The following FRMPD4 variants were observed in gnomAD, a reference collection of about 807,000 sequenced individuals.
FRMPD4 encodes FERM and PDZ domain-containing protein 4.
In FRMPD4, 22 loss-of-function variants were observed where a neutral mutation model predicts 94.1. The observed-to-expected ratio is 0.23, with a 90% CI of 0.17 to 0.33. FRMPD4 has a LOEUF of 0.33. Ranked by LOEUF, FRMPD4 falls within the 10% of genes least tolerant of loss-of-function variation. FRMPD4 has a pLI of 1.00. For missense variants in FRMPD4, 1,111 were observed against 1,339.9 expected, an observed-to-expected ratio of 0.83 and a Z score of 2.67; for synonymous variants, 631 against 548.6, an observed-to-expected ratio of 1.15 and a Z score of -2.10.
chrX:12,339,882 T>C (rs1465350363), intron 1 of FRMPD4, among the ~76,000 whole-genome samples: 1 of 112,466 alleles, frequency 8.9e-6, no homozygotes, highest in Non-Finnish European at 1.9e-5. Context: ...CCCAAAGGGC[T>C]GGGATTACAG....
At chrX:12,540,759 C>T (rs767642726) in intron 2 of FRMPD4, among the ~76,000 whole-genome samples, 1 of 111,966 alleles carries the variant, frequency 8.9e-6, no homozygotes, top group East Asian at 2.8e-4. Flanking sequence ...ATCTACAGAA[C>T]TCTCCACCCC....
chrX:12,442,145 T>A (rs889372898), intron 1 of FRMPD4, among the ~76,000 whole-genome samples: 1 of 102,412 alleles, frequency 9.8e-6, no homozygotes, highest in Non-Finnish European at 2.0e-5. Flanking sequence ...CTAGAACCAT[T>A]GTCCTAGTTT....
At chrX:12,344,792 A>T (rs1228243123) in intron 1 of FRMPD4, among the ~76,000 whole-genome samples, 4 of 111,568 alleles carry the variant, frequency 3.6e-5, no homozygotes, top group Admixed American at 9.5e-5. Flanking sequence ...CCTTCAGTAG[A>T]TGGCAAGTGC....
chrX:12,683,708 A>G (rs1164833799), intron 6 of FRMPD4, 121 bp downstream of exon 6: 1 of 437,843 alleles, frequency 2.3e-6, no homozygotes, highest in Non-Finnish European at 4.1e-6. Context: ...GTTGGTTTTT[A>G]CAGAGGTGTC....
intron 1 of FRMPD4, among the ~76,000 whole-genome samples, chrX:12,308,843 A>G (rs1056767148): frequency 8.9e-6 from 1 of 112,787 alleles, no homozygotes; most frequent in Non-Finnish European, 1.9e-5. Context: ...GTTTTGTTTT[A>G]ATAAAAATCT....
intron 1 of FRMPD4, among the ~76,000 whole-genome samples, chrX:11,844,876 C>T (rs1434578369): frequency 8.9e-6 from 1 of 111,810 alleles, no homozygotes; most frequent in Non-Finnish European, 1.9e-5. Flanking sequence ...CTGTGCACTC[C>T]GTTTATTATT....
intron 1 of FRMPD4, among the ~76,000 whole-genome samples, chrX:12,478,339 C>T (rs1226151554): frequency 9.0e-6 from 1 of 111,296 alleles, no homozygotes; most frequent in Non-Finnish European, 1.9e-5. Context: ...CTTGGGAGGC[C>T]GAGGCAGGCA....
intron 3 of FRMPD4, among the ~76,000 whole-genome samples, chrX:11,979,436 A>G (rs892177409): frequency 5.4e-5 from 6 of 112,121 alleles, no homozygotes; most frequent in Admixed American, 2.8e-4. Context: ...TAGACTGGGA[A>G]CATGTGCAAG....
At chrX:12,137,367 C>T (rs1047670348), upstream of FRMPD4, among the ~76,000 whole-genome samples, 11 of 112,742 alleles carry the variant, frequency 9.8e-5, no homozygotes, top group African/African-American at 3.5e-4. Context: ...AATATAACAA[C>T]AGACCAGGAG....
At chrX:12,173,716 G>C (rs1480703034) in intron 1 of FRMPD4, among the ~76,000 whole-genome samples, 1 of 111,283 alleles carries the variant, frequency 9.0e-6, no homozygotes, top group African/African-American at 3.3e-5. Flanking sequence ...TCTTGATTTT[G>C]TCCTGACTGC....
intron 2 of FRMPD4, among the ~76,000 whole-genome samples, chrX:12,581,883 C>T (rs142932505): frequency 0.029 from 3,256 of 111,871 alleles, 119 homozygotes; most frequent in African/African-American, 0.1. Context: ...CCTTTCCTGC[C>T]TCCACCTCCC....
At chrX:12,553,460 A>ATATATATATATATATATATG (rs769330484) in intron 2 of FRMPD4, among the ~76,000 whole-genome samples, 31 of 81,535 alleles carry the variant, frequency 3.8e-4, no homozygotes, top group African/African-American at 1.4e-3. Context: ...ATATATATAT[A>ATATATATATATATATATATG]TATATATCTA....
chrX:12,710,873 T>A (rs2041973569), intron 14 of FRMPD4, among the ~76,000 whole-genome samples: 1 of 110,881 alleles, frequency 9.0e-6, no homozygotes, highest in Non-Finnish European at 1.9e-5. Flanking sequence ...ACCACTGCAC[T>A]CCAATCTGGG....
intron 1 of FRMPD4, among the ~76,000 whole-genome samples, chrX:12,490,365 C>T (rs374240249): frequency 2.4e-4 from 27 of 110,796 alleles, no homozygotes; most frequent in East Asian, 5.7e-4. Context: ...TTGGGGGACA[C>T]GCTCAAACCA....
chrX:12,458,310 G>A (rs1433428730), intron 1 of FRMPD4, among the ~76,000 whole-genome samples: 2 of 111,966 alleles, frequency 1.8e-5, no homozygotes, highest in Non-Finnish European at 3.8e-5. Flanking sequence ...TTAACCATGA[G>A]TACTACTATG....
At chrX:12,050,662 AT>A (rs947317693) in intron 3 of FRMPD4, among the ~76,000 whole-genome samples, 1 of 109,983 alleles carries the variant, frequency 9.1e-6, no homozygotes, top group Non-Finnish European at 1.9e-5. Flanking sequence ...GTTGTTTCTA[AT>A]TTTGAGGGGT....
intron 2 of FRMPD4, among the ~76,000 whole-genome samples, chrX:12,602,247 CT>C (rs2059091415): frequency 9.0e-6 from 1 of 111,373 alleles, no homozygotes; most frequent in African/African-American, 3.3e-5. Context: ...GAAATTCTTG[CT>C]CTGAGGAACT....
At chrX:12,251,731 C>T (rs575052430) in intron 1 of FRMPD4, among the ~76,000 whole-genome samples, 1 of 111,948 alleles carries the variant, frequency 8.9e-6, no homozygotes, top group East Asian at 2.8e-4. Flanking sequence ...CAGATCAGCA[C>T]ATATATTTAG....
intron 1 of FRMPD4, among the ~76,000 whole-genome samples, chrX:12,359,165 T>C (rs2055942382): frequency 8.9e-6 from 1 of 112,075 alleles, no homozygotes. Context: ...TTAAAGAAGC[T>C]ATAAAAATAG....
Sources: allele counts gnomAD v4.1 joint callset (sites outside exome capture counted in the v4.1 genomes callset), GRCh38; gene constraint gnomAD v4.1.1; transcripts MANE v1.5; gene names NCBI Gene and HGNC (gene_info 2026-07-23, HGNC 2026-07-21).